The following TLK1 variants were observed in gnomAD, a reference collection of about 807,000 sequenced individuals.
The protein encoded by TLK1 is tousled like kinase 1.
In TLK1, 24 loss-of-function variants were observed where a neutral mutation model predicts 105.3. That is an observed-to-expected ratio of 0.23 (90% CI 0.17 to 0.32). TLK1 has a LOEUF of 0.32. Among genes scored for constraint, TLK1 ranks in the 10% least tolerant of loss-of-function variants. The probability of loss-of-function intolerance (pLI) is 1.00; values close to 1 mark genes in which losing one functional copy is unlikely to be tolerated. For missense variants in TLK1, 558 were observed against 910.5 expected, an observed-to-expected ratio of 0.61 and a Z score of 4.98; for synonymous variants, 321 against 310.4, an observed-to-expected ratio of 1.03 and a Z score of -0.36.
intron 2 of TLK1, among the ~76,000 whole-genome samples, chr2:171,115,918 A>G (rs976564091): frequency 6.6e-6 from 1 of 152,260 alleles, no homozygotes; most frequent in East Asian, 1.9e-4. Context: ...TTTACCTGAT[A>G]CAAAGAGATG....
chr2:171,174,866 A>T (rs912074923), intron 1 of TLK1, among the ~76,000 whole-genome samples: 3 of 152,126 alleles, frequency 2.0e-5, no homozygotes, highest in African/African-American at 7.2e-5. Context: ...GAGATTTAGA[A>T]TATAACTTTT....
At chr2:171,087,581 A>G (rs1413374616) in intron 2 of TLK1, among the ~76,000 whole-genome samples, 1 of 152,174 alleles carries the variant, frequency 6.6e-6, no homozygotes, top group Non-Finnish European at 1.5e-5. Flanking sequence ...AAATCCCAAA[A>G]TTTGGCAAAG....
At chr2:171,125,969 CAA>C (rs1558956164) in intron 1 of TLK1, among the ~76,000 whole-genome samples, 1 of 152,074 alleles carries the variant, frequency 6.6e-6, no homozygotes. Context: ...ATTCTGTCCT[CAA>C]GAGGGAAATT....
At chr2:171,213,804 C>T (rs1356457611) in intron 1 of TLK1, among the ~76,000 whole-genome samples, 1 of 144,916 alleles carries the variant, frequency 6.9e-6, no homozygotes, top group East Asian at 2.2e-4. Context: ...CTCACTGTAG[C>T]CTCAAACTCC....
intron 14 of TLK1, among the ~76,000 whole-genome samples, chr2:171,010,680 A>G (rs1684875122): frequency 6.6e-6 from 1 of 152,144 alleles, no homozygotes; most frequent in South Asian, 2.1e-4. Flanking sequence ...TAAAAATGCT[A>G]CATTTATACA....
chr2:170,994,013 A>C, intron 20 of TLK1, 57 bp from the exon 21 acceptor site: 1 of 1,490,754 alleles, frequency 6.7e-7, no homozygotes, highest in East Asian at 2.4e-5. Flanking sequence ...TCTAAATATC[A>C]ATCAACTGAA....
chr2:171,136,174 G>A (rs1033217625), intron 1 of TLK1, among the ~76,000 whole-genome samples: 1 of 152,162 alleles, frequency 6.6e-6, no homozygotes, highest in African/African-American at 2.4e-5. Flanking sequence ...ACACAATATG[G>A]GTGAACCTTG....
At chr2:171,229,043 G>A (rs957511812) in intron 1 of TLK1, among the ~76,000 whole-genome samples, 3 of 152,186 alleles carry the variant, frequency 2.0e-5, no homozygotes, top group African/African-American at 4.8e-5. Context: ...GGGCATATGC[G>A]TGTCCTATAA....
chr2:171,091,147 AG>A (rs1486692592), intron 2 of TLK1, among the ~76,000 whole-genome samples: 1 of 152,190 alleles, frequency 6.6e-6, no homozygotes, highest in African/African-American at 2.4e-5. Flanking sequence ...AAAATGGCAC[AG>A]TTGAGTAGTT....
At chr2:171,149,092 T>C (rs1024046947) in intron 1 of TLK1, among the ~76,000 whole-genome samples, 37 of 141,006 alleles carry the variant, frequency 2.6e-4, no homozygotes, top group African/African-American at 9.6e-4. Flanking sequence ...TCCTTTGAAT[T>C]ACTTTTCTTT....
At chr2:171,065,722 T>C (rs1314606670) in intron 3 of TLK1, among the ~76,000 whole-genome samples, 1 of 151,832 alleles carries the variant, frequency 6.6e-6, no homozygotes, top group East Asian at 1.9e-4. Context: ...GTATTTTTAG[T>C]AGAGGGGGGT....
Position 170,991,646 on chromosome 2 carries a change from T to C in TLK1, c.*2134A>G, listed in dbSNP as rs1205194467. On this transcript the variant is annotated 3_prime_UTR_variant, in exon 21 of 21. Coordinates refer to ENST00000431350, the MANE Select transcript of TLK1 (RefSeq NM_012290.5). ...CGCTCTCATTCATTTGAAAGTAAAA[T>C]GGTAAAGCAGTGATCTCTAGGTCTA... 2 of 152,210 alleles carry C rather than the reference T, an allele frequency of 1.3e-5. No homozygotes were observed. Among genetic ancestry groups the C allele is most frequent in the Middle Eastern group, 6.3e-3 (2 of 316 alleles). The allele number at this position is 152,210 out of a possible 1,614,324, so 9.4% of individuals were successfully genotyped here. A position where few individuals can be genotyped will look rare whatever the true frequency, so the allele number is the denominator to read the frequency against.
At chr2:171,019,596 C>G (rs1284854997) in intron 12 of TLK1, among the ~76,000 whole-genome samples, 1 of 152,166 alleles carries the variant, frequency 6.6e-6, no homozygotes, top group East Asian at 1.9e-4. Flanking sequence ...TATCAAAAAA[C>G]TCAATTTCTA....
chr2:171,082,992 A>G (rs1420348832), intron 2 of TLK1, 140 bp from the exon 3 acceptor site: 13 of 607,606 alleles, frequency 2.1e-5, no homozygotes, highest in Admixed American at 3.5e-5. Flanking sequence ...CAAGGAAGCC[A>G]AATGAGGTAA....
At chr2:171,202,617 C>T (rs1240501215) in intron 1 of TLK1, among the ~76,000 whole-genome samples, 2 of 151,802 alleles carry the variant, frequency 1.3e-5, no homozygotes, top group Non-Finnish European at 2.9e-5. Context: ...ATTAGCTGGG[C>T]ATGGTGGTGT....
At chr2:171,063,548 G>GC (rs1178493734) in intron 3 of TLK1, among the ~76,000 whole-genome samples, 1 of 151,938 alleles carries the variant, frequency 6.6e-6, no homozygotes, top group Non-Finnish European at 1.5e-5. Context: ...CTCTTGAACA[G>GC]GCAAAAATAG....
At chr2:171,181,610 T>G (rs1442053487) in intron 1 of TLK1, among the ~76,000 whole-genome samples, 2 of 152,138 alleles carry the variant, frequency 1.3e-5, no homozygotes, top group African/African-American at 4.8e-5. Context: ...AGGGGAACTG[T>G]TGTGTGCAGA....
chr2:171,151,141 C>T (rs190261997), intron 1 of TLK1, among the ~76,000 whole-genome samples: 1 of 152,164 alleles, frequency 6.6e-6, no homozygotes, highest in Non-Finnish European at 1.5e-5. Flanking sequence ...CCTCAGCCTC[C>T]CAACTAGCTG....
intron 1 of TLK1, among the ~76,000 whole-genome samples, chr2:171,194,742 G>T (rs1216093865): frequency 6.6e-6 from 1 of 150,764 alleles, no homozygotes; most frequent in Non-Finnish European, 1.5e-5. Context: ...GCGTGAACCT[G>T]GGAGGCGGAG....
Sources: gnomAD v4.1 joint callset for allele counts (sites outside exome capture counted in the v4.1 genomes callset) on GRCh38, gnomAD v4.1.1 for gene constraint, MANE v1.5 for transcripts, NCBI Gene and HGNC (gene_info 2026-07-23, HGNC 2026-07-21) for gene names.